SETD3: variants seen among roughly 807,000 people sequenced by gnomAD.
SETD3 encodes actin-histidine N-methyltransferase.
A neutral mutation model predicts 63.0 loss-of-function variants in SETD3; 19 were observed. That is an observed-to-expected ratio of 0.30 (90% CI 0.21 to 0.44). The LOEUF is 0.44. Among genes scored for constraint, SETD3 ranks in the 20% least tolerant of loss-of-function variants. The pLI, the probability that SETD3 is intolerant of heterozygous loss-of-function variation, is 1.00. For synonymous variants in SETD3, 286 were observed against 264.1 expected, an observed-to-expected ratio of 1.08 and a Z score of -0.80; for missense variants, 587 against 728.5, an observed-to-expected ratio of 0.81 and a Z score of 2.24.
At chr14:99,468,541 G>A (rs1227894386) in intron 1 of SETD3, among the ~76,000 whole-genome samples, 1 of 152,058 alleles carries the variant, frequency 6.6e-6, no homozygotes, top group Non-Finnish European at 1.5e-5. Flanking sequence ...AGTCACCCTG[G>A]AATAAAAGGA....
chr14:99,399,741 ATTTTTTTTTT>A (rs150317244), intron 12 of SETD3, among the ~76,000 whole-genome samples: 1 of 127,728 alleles, frequency 7.8e-6, no homozygotes, highest in Non-Finnish European at 1.6e-5. Flanking sequence ...CTTTCATTAA[ATTTTTTTTTT>A]TTTTTTTTTT....
chr14:99,406,711 C>A (rs1207559792), intron 8 of SETD3, 121 bp from the exon 9 acceptor site: 3 of 910,890 alleles, frequency 3.3e-6, no homozygotes, highest in Non-Finnish European at 5.2e-6. Flanking sequence ...CAAAAGGTGG[C>A]ATCTGAATGC....
At chr14:99,434,860 A>C (rs984200510) in intron 6 of SETD3, among the ~76,000 whole-genome samples, 2 of 148,710 alleles carry the variant, frequency 1.3e-5, no homozygotes, top group Non-Finnish European at 3.0e-5. Flanking sequence ...AAAAAAAAAA[A>C]AAAAAAAAAA....
At chr14:99,413,296 G>C (rs953342974) in intron 7 of SETD3, 1 of 480,756 alleles carries the variant, frequency 2.1e-6, no homozygotes, top group Non-Finnish European at 3.7e-6. Context: ...CCAAGAAGCA[G>C]AGCCAGAAGG....
At chr14:99,403,343 G>A (rs974008318) in intron 11 of SETD3, among the ~76,000 whole-genome samples, 2 of 151,926 alleles carry the variant, frequency 1.3e-5, no homozygotes, top group African/African-American at 2.4e-5. Flanking sequence ...ACACTTGTTC[G>A]TCTGTTCACT....
At position 99,441,720 on chromosome 14, in the gene SETD3, G is replaced by A. The variant is rs139666402; in HGVS notation, c.675+16559C>T. Among the ~76,000 whole-genome samples, 889 of 152,310 alleles carry A rather than the reference G, an allele frequency of 5.8e-3. 9 individuals carry two copies. Among genetic ancestry groups the A allele is most frequent in the African/African-American group, 0.02 (841 of 41,582 alleles). The stretch of plus-strand genomic sequence containing the variant: ...CACCAGAGGGAGTGGACTGCAGTGA[G>A]GGAGGAAGCAGCCCCTGATGAGGCC... On this transcript the variant is annotated intron_variant, in intron 6 of 12. Transcript: ENST00000331768.
chr14:99,414,404 A>C (rs1892176176), intron 6 of SETD3, among the ~76,000 whole-genome samples: 1 of 152,226 alleles, frequency 6.6e-6, no homozygotes, highest in Non-Finnish European at 1.5e-5. Flanking sequence ...AATCGGTTGA[A>C]AGCTCTTTCA....
At chr14:99,441,593 T>G (rs1054798287) in intron 6 of SETD3, among the ~76,000 whole-genome samples, 5 of 152,220 alleles carry the variant, frequency 3.3e-5, no homozygotes, top group African/African-American at 1.2e-4. Context: ...AGAGACTCTA[T>G]GCCAAGGCTA....
At chr14:99,447,140 T>A (rs1309836376) in intron 6 of SETD3, among the ~76,000 whole-genome samples, 1 of 152,010 alleles carries the variant, frequency 6.6e-6, no homozygotes, top group Non-Finnish European at 1.5e-5. Flanking sequence ...CCCAGCTAAT[T>A]TGTGTATTTT....
intron 6 of SETD3, among the ~76,000 whole-genome samples, chr14:99,440,524 G>A (rs1236726331): frequency 1.3e-5 from 2 of 152,140 alleles, no homozygotes; most frequent in Non-Finnish European, 2.9e-5. Context: ...GCAGGGGAGG[G>A]CGATTCACTG....
chr14:99,449,255 A>G (rs1441061338), intron 6 of SETD3, among the ~76,000 whole-genome samples: 1 of 152,252 alleles, frequency 6.6e-6, no homozygotes, highest in East Asian at 1.9e-4. Context: ...TGATAGATAC[A>G]AAAACCAGTA....
chr14:99,469,066 A>C lies in SETD3; in HGVS notation c.-8-3253T>G, dbSNP rs535345943. The stretch of plus-strand genomic sequence containing the variant: ...CTGCTCCGCGTGACAGACCATTAAA[A>C]ATATGGTTACAATGATTTGAAAACA... On this transcript the variant is annotated intron_variant, in intron 1 of 12. Transcript: ENST00000331768. 3.3e-5 allele frequency among the ~76,000 whole-genome samples: 5 copies of C among 152,354 alleles called. No individual in the cohort carries two copies. The South Asian group carries it at 1.0e-3, about 32-fold the overall frequency.
intron 1 of SETD3, among the ~76,000 whole-genome samples, chr14:99,466,720 C>T (rs1439929446): frequency 6.6e-6 from 1 of 151,970 alleles, no homozygotes; most frequent in Non-Finnish European, 1.5e-5. Context: ...CTAGGGAAGC[C>T]TAGCGAGGCA....
At chr14:99,435,747 T>G (rs1893445632) in intron 6 of SETD3, among the ~76,000 whole-genome samples, 1 of 147,136 alleles carries the variant, frequency 6.8e-6, no homozygotes, top group African/African-American at 2.5e-5. Flanking sequence ...CCCCCACCTT[T>G]TTTTTTTTTT....
At chr14:99,414,982 G>A (rs982484294) in intron 6 of SETD3, among the ~76,000 whole-genome samples, 3 of 152,292 alleles carry the variant, frequency 2.0e-5, no homozygotes, top group Non-Finnish European at 2.9e-5. Flanking sequence ...GGCACCCTAC[G>A]CAGGACAGTA....
At chr14:99,456,279 C>T (rs1894756222) in intron 6 of SETD3, among the ~76,000 whole-genome samples, 1 of 152,158 alleles carries the variant, frequency 6.6e-6, no homozygotes, top group East Asian at 1.9e-4. Flanking sequence ...AATCATGGTA[C>T]TTTTTTCAAA....
At chr14:99,469,484 C>T (rs1434785949) in intron 1 of SETD3, among the ~76,000 whole-genome samples, 1 of 152,232 alleles carries the variant, frequency 6.6e-6, no homozygotes, top group Non-Finnish European at 1.5e-5. Context: ...TGGCTCATGC[C>T]TATAATCCTA....
intron 6 of SETD3, among the ~76,000 whole-genome samples, chr14:99,420,221 G>C (rs1428755451): frequency 6.6e-6 from 1 of 152,084 alleles, no homozygotes; most frequent in Non-Finnish European, 1.5e-5. Flanking sequence ...GTGGCCATTT[G>C]ATTAGCATCT....
At chr14:99,463,089 G>A (rs1225015003) in intron 3 of SETD3, among the ~76,000 whole-genome samples, 2 of 152,194 alleles carry the variant, frequency 1.3e-5, no homozygotes, top group Non-Finnish European at 2.9e-5. Flanking sequence ...TGAGATGTGT[G>A]TGAGTTCATT....
Sources: gnomAD v4.1 joint callset for allele counts (sites outside exome capture counted in the v4.1 genomes callset) on GRCh38, gnomAD v4.1.1 for gene constraint, MANE v1.5 for transcripts, NCBI Gene and HGNC (gene_info 2026-07-23, HGNC 2026-07-21) for gene names.